The following VKORC1L1 variants were observed in gnomAD, a reference collection of about 807,000 sequenced individuals.
VKORC1L1 encodes vitamin K epoxide reductase complex subunit 1-like protein 1.
A neutral mutation model predicts 18.9 loss-of-function variants in VKORC1L1; 2 were observed. The observed-to-expected ratio is 0.11, with a 90% confidence interval of 0.04 to 0.33. The LOEUF is 0.33. Ranked by LOEUF, VKORC1L1 falls within the 10% of genes least tolerant of loss-of-function variation. VKORC1L1 has a pLI of 1.00. For synonymous variants in VKORC1L1, 96 were observed against 100.0 expected, an observed-to-expected ratio of 0.96 and a Z score of 0.24; for missense variants, 123 against 224.1, an observed-to-expected ratio of 0.55 and a Z score of 2.88.
At chr7:65,928,110 T>G (rs946072129) in intron 1 of VKORC1L1, among the ~76,000 whole-genome samples, 2 of 152,206 alleles carry the variant, frequency 1.3e-5, no homozygotes, top group African/African-American at 4.8e-5. Context: ...GAATTTTTTT[T>G]TAATGGGAAG....
chr7:65,871,643 A>T (rs1358836073), upstream of VKORC1L1, among the ~76,000 whole-genome samples: 1 of 152,198 alleles, frequency 6.6e-6, no homozygotes, highest in Non-Finnish European at 1.5e-5. Context: ...CCCTGGGGTA[A>T]GCCTGCCGCT....
chr7:65,916,660 G>A (rs539791853), intron 1 of VKORC1L1, among the ~76,000 whole-genome samples: 39 of 151,378 alleles, frequency 2.6e-4, no homozygotes, highest in African/African-American at 9.2e-4. Context: ...GTGCAATGGT[G>A]TAATCTCAGC....
chr7:65,870,009 T>C (rs1319598825), upstream of VKORC1L1, among the ~76,000 whole-genome samples: 4 of 151,658 alleles, frequency 2.6e-5, no homozygotes, highest in Non-Finnish European at 5.9e-5. Context: ...GGTGAAATAA[T>C]TAACCTCTGT....
chr7:65,909,821 G>A (rs953618870), intron 1 of VKORC1L1, among the ~76,000 whole-genome samples: 12 of 151,126 alleles, frequency 7.9e-5, no homozygotes, highest in African/African-American at 2.9e-4. Flanking sequence ...AGGTTCAAGC[G>A]ATTCTCTTGT....
intron 1 of VKORC1L1, among the ~76,000 whole-genome samples, chr7:65,914,179 G>T (rs1318649402): frequency 3.3e-5 from 5 of 152,084 alleles, no homozygotes; most frequent in African/African-American, 1.2e-4. Flanking sequence ...GTGCAGTGGT[G>T]CAATCCTGGG....
chr7:65,874,019 G>A (rs1447146727), intron 1 of VKORC1L1, among the ~76,000 whole-genome samples: 1 of 152,188 alleles, frequency 6.6e-6, no homozygotes, highest in Non-Finnish European at 1.5e-5. Context: ...GATCGCTGCA[G>A]CCGAGGCTTT....
At chr7:65,936,099 A>G (rs1375267110) in intron 1 of VKORC1L1, among the ~76,000 whole-genome samples, 1 of 148,178 alleles carries the variant, frequency 6.7e-6, no homozygotes, top group Non-Finnish European at 1.5e-5. Flanking sequence ...GTGGATTTTT[A>G]ATTTCAGATC....
At chr7:65,885,785 A>T (rs1339914072) in intron 1 of VKORC1L1, among the ~76,000 whole-genome samples, 1 of 151,926 alleles carries the variant, frequency 6.6e-6, no homozygotes, top group Non-Finnish European at 1.5e-5. Flanking sequence ...GTGGCTTTTT[A>T]TAGAAGTTTG....
At chr7:65,944,523 C>T (rs899903470) in intron 1 of VKORC1L1, among the ~76,000 whole-genome samples, 1 of 151,952 alleles carries the variant, frequency 6.6e-6, no homozygotes, top group Non-Finnish European at 1.5e-5. Context: ...AGTACCCTTT[C>T]TCTTTACCAT....
chr7:65,931,261 TAAG>T (rs1226955715), intron 1 of VKORC1L1, among the ~76,000 whole-genome samples: 16 of 152,196 alleles, frequency 1.1e-4, no homozygotes. Flanking sequence ...CAAAATGAGT[TAAG>T]AAGTGTTCCC....
chr7:65,879,836 T>C (rs34702770), intron 1 of VKORC1L1, among the ~76,000 whole-genome samples: 18,594 of 151,412 alleles, frequency 0.12, 1,285 homozygotes, highest in Middle Eastern at 0.21. Flanking sequence ...CCTTTTTTTT[T>C]CTTTCCTTTC....
chr7:65,896,760 A>G (rs1441810736), intron 1 of VKORC1L1, among the ~76,000 whole-genome samples: 1 of 152,068 alleles, frequency 6.6e-6, no homozygotes, highest in Non-Finnish European at 1.5e-5. Context: ...CAGCACTTTG[A>G]GAGGCTGAGG....
At position 65,956,201 on chromosome 7, in the gene VKORC1L1, G is replaced by GTT. The variant is rs1188939942; in HGVS notation, c.*1903_*1904dup. 1.3e-5 allele frequency: 2 copies of GTT among 152,186 alleles called. No individual in the cohort carries two copies. Among genetic ancestry groups the GTT allele is most frequent in the Non-Finnish European group, 2.9e-5 (2 of 68,054 alleles). 9.4% of individuals were successfully genotyped at this position (152,186 alleles called of 1,614,324 possible). ...TGTCTATGGAGAAAGAAGTCCTCAC[G>GTT]TTTGAGGGCTGTACAGTGAGGCCAT... is the stretch of plus-strand genomic sequence containing the variant. On this transcript the variant is annotated 3_prime_UTR_variant, in exon 3 of 3. Coordinates refer to ENST00000360768, the MANE Select transcript of VKORC1L1 (RefSeq NM_173517.6).
At chr7:65,945,407 C>G (rs372600360) in intron 1 of VKORC1L1, among the ~76,000 whole-genome samples, 3 of 152,126 alleles carry the variant, frequency 2.0e-5, no homozygotes, top group Admixed American at 2.0e-4. Context: ...GTCAGCAGAT[C>G]GAGACCATCT....
chr7:65,944,958 G>A (rs963040091), intron 1 of VKORC1L1, among the ~76,000 whole-genome samples: 2 of 151,584 alleles, frequency 1.3e-5, no homozygotes, highest in African/African-American at 2.4e-5. Flanking sequence ...CCATATTAGC[G>A]AGTCAAAAGA....
chr7:65,881,844 C>T (rs1290870426), intron 1 of VKORC1L1, among the ~76,000 whole-genome samples: 6 of 152,278 alleles, frequency 3.9e-5, no homozygotes, highest in Admixed American at 2.0e-4. Flanking sequence ...CTTTGGGAGG[C>T]TGAGGCGGAT....
intron 1 of VKORC1L1, among the ~76,000 whole-genome samples, chr7:65,901,047 A>G (rs1789306443): frequency 6.6e-6 from 1 of 152,194 alleles, no homozygotes; most frequent in Non-Finnish European, 1.5e-5. Flanking sequence ...CTTGCCTAGA[A>G]CTTTCAAGAT....
At chr7:65,929,743 G>C (rs1275045293) in intron 1 of VKORC1L1, among the ~76,000 whole-genome samples, 2 of 137,860 alleles carry the variant, frequency 1.5e-5, no homozygotes, top group African/African-American at 5.4e-5. Flanking sequence ...TTTTTTTGTA[G>C]AGACAGGTTC....
At chr7:65,913,972 TGG>T (rs1789545192) in intron 1 of VKORC1L1, among the ~76,000 whole-genome samples, 1 of 151,958 alleles carries the variant, frequency 6.6e-6, no homozygotes, top group African/African-American at 2.4e-5. Flanking sequence ...TGACTACAAG[TGG>T]GAATTGGAAT....
Sources: gnomAD v4.1 joint callset for allele counts (sites outside exome capture counted in the v4.1 genomes callset) on GRCh38, gnomAD v4.1.1 for gene constraint, MANE v1.5 for transcripts, NCBI Gene and HGNC (gene_info 2026-07-23, HGNC 2026-07-21) for gene names.